DDX31: variants seen among roughly 807,000 people sequenced by gnomAD.
The protein encoded by DDX31 is DEAD-box helicase 31, also known as ATP-dependent DNA helicase DDX31.
A neutral mutation model predicts 91.3 loss-of-function variants in DDX31; 70 were observed. The ratio of observed to expected loss-of-function variants is 0.77; its 90% CI spans 0.63 to 0.94. DDX31 has a LOEUF of 0.94. Ranked by LOEUF, DDX31 falls within the 40% of genes least tolerant of loss-of-function variation. The probability of loss-of-function intolerance (pLI) is 0.00; values close to 1 mark genes in which losing one functional copy is unlikely to be tolerated. For missense variants in DDX31, 902 were observed against 925.0 expected (o/e 0.98, Z 0.32); for synonymous variants, 362 against 350.6 (o/e 1.03, Z -0.36).
intron 17 of DDX31, among the ~76,000 whole-genome samples, chr9:132,623,719 G>A (rs923379550): frequency 6.6e-6 from 1 of 151,694 alleles, no homozygotes; most frequent in African/African-American, 2.4e-5. Flanking sequence ...CCTGCCCAAG[G>A]TCACACACTG....
At chr9:132,619,993 T>G (rs1831912742) in intron 17 of DDX31, among the ~76,000 whole-genome samples, 1 of 152,072 alleles carries the variant, frequency 6.6e-6, no homozygotes, top group Admixed American at 6.6e-5. Flanking sequence ...AACTTTTTCC[T>G]CTTTTTCTTG....
intron 14 of DDX31, among the ~76,000 whole-genome samples, chr9:132,634,583 ATGTTT>A (rs1235412389): frequency 9.6e-6 from 1 of 103,748 alleles, no homozygotes. Flanking sequence ...TGTACCTAAG[ATGTTT>A]TTTTTTTTTT....
intron 19 of DDX31, among the ~76,000 whole-genome samples, chr9:132,605,042 T>C (rs575034690): frequency 2.6e-5 from 4 of 152,328 alleles, no homozygotes; most frequent in African/African-American, 9.6e-5. Context: ...TAGGACAGAA[T>C]GACTGACAAG....
At position 132,595,777 on chromosome 9, in the gene DDX31, G is replaced by A. The variant is rs150457365; in HGVS notation, c.1995-665C>T. Reference sequence around the variant, plus strand: ...CTTTCTGCAGCCCACACAAACCCGGGTGTTAGAGGGAGGTCTCTCCCTACC... The same window carrying A: ...CTTTCTGCAGCCCACACAAACCCGGATGTTAGAGGGAGGTCTCTCCCTACC... On this transcript the variant is annotated intron_variant, in intron 19 of 19. Coordinates refer to ENST00000372159, the MANE Select transcript of DDX31 (RefSeq NM_022779.9). The surrounding 1 kb of genome is among the most constrained non-coding windows in gnomAD (Gnocchi z 4.6). Among the ~76,000 whole-genome samples the A allele has an allele frequency of 1.4e-3, 218 of 152,270 alleles. No homozygotes were observed. The highest frequency in any genetic ancestry group is 4.3e-3 in the African/African-American group (179 of 41,548).
rs768152594 is a variant in DDX31, at chr9:132,646,933, C to T, written c.1093G>A (p.Asp365Asn). 34 of 1,614,066 alleles carry T rather than the reference C, an allele frequency of 2.1e-5. No homozygotes were observed. Among genetic ancestry groups the T allele is most frequent in the Admixed American group, 2.0e-4 (12 of 60,002 alleles). Residue 365 changes from aspartate to asparagine, a missense_variant, in exon 12 of 20, where the codon GAC becomes AAC. Transcript: ENST00000372159. ...GGTATTGCAAAGCTGTCCAGCTTGT[C>T]GCCAGCTGGTGGAGGACAGACCTCC... is the stretch of plus-strand genomic sequence containing the variant. Reference protein sequence around the residue: ...VQEVCPPPAGDKLDSFAIPES... With the variant: ...VQEVCPPPAGNKLDSFAIPES...
chr9:132,642,290 G>A (rs952686151), intron 13 of DDX31, among the ~76,000 whole-genome samples: 2 of 152,114 alleles, frequency 1.3e-5, no homozygotes, highest in Admixed American at 1.3e-4. Flanking sequence ...CTTTGAGGGT[G>A]CATTTTTGTG....
At chr9:132,639,347 C>T (rs192118079) in intron 14 of DDX31, among the ~76,000 whole-genome samples, 162 of 152,190 alleles carry the variant, frequency 1.1e-3, no homozygotes, top group African/African-American at 3.8e-3. Flanking sequence ...CAGTCATCTT[C>T]ACTACACAGC....
chr9:132,661,719 T>C (rs1834962809), intron 3 of DDX31, among the ~76,000 whole-genome samples: 1 of 152,102 alleles, frequency 6.6e-6, no homozygotes, highest in South Asian at 2.1e-4. Flanking sequence ...AGTTAATATA[T>C]TTTTTTCTTC....
chr9:132,653,412 T>C (rs1834338125), intron 6 of DDX31, among the ~76,000 whole-genome samples: 1 of 141,912 alleles, frequency 7.0e-6, no homozygotes, highest in Non-Finnish European at 1.5e-5. Context: ...GAGAATCACT[T>C]GAACCCAGGA....
At chr9:132,606,867 C>T (rs1033117763) in intron 19 of DDX31, among the ~76,000 whole-genome samples, 1 of 152,184 alleles carries the variant, frequency 6.6e-6, no homozygotes, top group African/African-American at 2.4e-5. Flanking sequence ...CTCTATTCTG[C>T]ACAGTTAGCT....
At chr9:132,638,574 T>G (rs775352299) in intron 14 of DDX31, among the ~76,000 whole-genome samples, 3 of 152,206 alleles carry the variant, frequency 2.0e-5, no homozygotes, top group Non-Finnish European at 4.4e-5. Flanking sequence ...ACTCCTCGTC[T>G]TTCACACACT....
intron 14 of DDX31, among the ~76,000 whole-genome samples, chr9:132,637,690 G>A (rs1833209970): frequency 6.6e-6 from 1 of 152,236 alleles, no homozygotes. Context: ...GGAGGAAGGA[G>A]AGAGTGCAGA....
intron 13 of DDX31, among the ~76,000 whole-genome samples, chr9:132,642,590 C>T (rs1452309329): frequency 1.3e-5 from 2 of 151,778 alleles, no homozygotes; most frequent in Non-Finnish European, 2.9e-5. Context: ...GACACCTTGA[C>T]GTTTCCCGAG....
chr9:132,649,288 G>A (rs1420088327), intron 9 of DDX31, among the ~76,000 whole-genome samples: 3 of 152,160 alleles, frequency 2.0e-5, no homozygotes, highest in Admixed American at 1.3e-4. Flanking sequence ...GTATAGTCAT[G>A]TTTGTTTTAG....
intron 18 of DDX31, 136 bp from the exon 19 acceptor site, chr9:132,612,391 C>A: frequency 1.1e-6 from 1 of 927,156 alleles, no homozygotes; most frequent in Non-Finnish European, 1.6e-6. Flanking sequence ...ACAACATATA[C>A]AAACAACTAA....
intron 19 of DDX31, among the ~76,000 whole-genome samples, chr9:132,604,536 A>G (rs1409804648): frequency 6.6e-6 from 1 of 152,216 alleles, no homozygotes; most frequent in Non-Finnish European, 1.5e-5. Flanking sequence ...TGCCATGTGA[A>G]GAAGAGCATC....
chr9:132,655,834 T>G (rs1834527787), intron 6 of DDX31, among the ~76,000 whole-genome samples: 1 of 152,220 alleles, frequency 6.6e-6, no homozygotes, highest in African/African-American at 2.4e-5. Context: ...AAGTATGGTT[T>G]TCGTGTTTTG....
intron 1 of DDX31, among the ~76,000 whole-genome samples, chr9:132,668,626 G>A (rs1480452726): frequency 6.6e-6 from 1 of 150,852 alleles, no homozygotes; most frequent in African/African-American, 2.4e-5. Context: ...GGAGTGCAAT[G>A]GCATGATCTC....
At chr9:132,660,685 AAAGTAAAAAATC>A (rs1834879280) in intron 4 of DDX31, among the ~76,000 whole-genome samples, 1 of 152,206 alleles carries the variant, frequency 6.6e-6, no homozygotes, top group Non-Finnish European at 1.5e-5. Context: ...TTTACTAGTA[AAAGTAAAAAATC>A]ATTATGAAAA....
Sources: gnomAD v4.1 joint callset for allele counts (sites outside exome capture counted in the v4.1 genomes callset) on GRCh38, gnomAD v4.1.1 for gene constraint, Gnocchi (gnomAD v3.1) non-coding constraint, MANE v1.5 for transcripts, NCBI Gene and HGNC (gene_info 2026-07-23, HGNC 2026-07-21) for gene names.